Variants in FER observed in about 807,000 individuals in gnomAD.
FER encodes the protein tyrosine-protein kinase Fer.
FER carries 63 observed loss-of-function variants against 111.0 expected under a neutral mutation model. The observed-to-expected ratio is 0.57, with a 90% CI of 0.46 to 0.70. FER has a LOEUF of 0.70. FER is among the 30% of genes least tolerant of loss of function. The pLI is 0.00. For synonymous variants in FER, 327 were observed against 313.9 expected, an observed-to-expected ratio of 1.04 and a Z score of -0.44; for missense variants, 914 against 954.0, an observed-to-expected ratio of 0.96 and a Z score of 0.55.
At chr5:108,756,095 G>A (rs184747245) in intron 1 of FER, among the ~76,000 whole-genome samples, 62 of 149,822 alleles carry the variant, frequency 4.1e-4, no homozygotes, top group Admixed American at 1.2e-3. Context: ...TGGAGGTTGC[G>A]GTGAGCCGAG....
At chr5:108,959,937 A>T (rs1267937472) in intron 13 of FER, among the ~76,000 whole-genome samples, 2 of 152,084 alleles carry the variant, frequency 1.3e-5, no homozygotes, top group African/African-American at 2.4e-5. Context: ...AAGTATGGGT[A>T]TGTGGAAGTT....
chr5:109,039,263 T>A (rs186382709), intron 14 of FER, among the ~76,000 whole-genome samples: 15 of 151,904 alleles, frequency 9.9e-5, no homozygotes, highest in South Asian at 2.1e-4. Context: ...GTACTTGATA[T>A]ACAGTATCAG....
intron 13 of FER, among the ~76,000 whole-genome samples, chr5:108,975,190 G>T (rs951974474): frequency 6.6e-6 from 1 of 152,088 alleles, no homozygotes; most frequent in Non-Finnish European, 1.5e-5. Flanking sequence ...CTCATAAGTG[G>T]GAGTTGAACA....
intron 9 of FER, among the ~76,000 whole-genome samples, chr5:108,890,624 T>C (rs999167321): frequency 6.6e-5 from 10 of 152,098 alleles, no homozygotes; most frequent in African/African-American, 2.4e-4. Flanking sequence ...TTTCCATTAA[T>C]GGCCTATCCT....
chr5:108,898,045 G>A (rs1749408600), intron 10 of FER, among the ~76,000 whole-genome samples, 197 bp downstream of exon 10: 2 of 152,282 alleles, frequency 1.3e-5, no homozygotes, highest in South Asian at 4.2e-4. Context: ...GGAACCACCT[G>A]TAGAGTCAGA....
chr5:108,910,802 G>C (rs143926660), intron 10 of FER, among the ~76,000 whole-genome samples: 92 of 151,860 alleles, frequency 6.1e-4, no homozygotes, highest in African/African-American at 1.9e-3. Context: ...CCATCTAGTT[G>C]CTGCAAAGGA....
At chr5:109,137,390 T>C (rs918314748) in intron 17 of FER, among the ~76,000 whole-genome samples, 4 of 152,210 alleles carry the variant, frequency 2.6e-5, no homozygotes, top group African/African-American at 9.6e-5. Flanking sequence ...GCCATGTTTG[T>C]TCCTAACCAG....
At chr5:108,999,607 A>G (rs1764450301) in intron 13 of FER, among the ~76,000 whole-genome samples, 1 of 152,128 alleles carries the variant, frequency 6.6e-6, no homozygotes, top group South Asian at 2.1e-4. Flanking sequence ...TAATTTTATT[A>G]GATGTTGCTA....
intron 5 of FER, among the ~76,000 whole-genome samples, chr5:108,866,591 A>C (rs1173036721): frequency 6.6e-6 from 1 of 152,154 alleles, no homozygotes; most frequent in Non-Finnish European, 1.5e-5. Context: ...ATTAAAAAAA[A>C]AAAGAATCAG....
chr5:109,112,135 CTGTT>C (rs759733569), intron 17 of FER, among the ~76,000 whole-genome samples: 17 of 151,948 alleles, frequency 1.1e-4, no homozygotes, highest in East Asian at 1.9e-4. Context: ...CTCACAGTCA[CTGTT>C]TGTTTGTTTT....
chr5:108,918,701 A>G lies in FER; in HGVS notation c.1236+20853A>G, dbSNP rs1581196393. Among the ~76,000 whole-genome samples, 5 of 151,972 alleles carry G rather than the reference A, an allele frequency of 3.3e-5. 1 individual carries two copies. The highest frequency in any genetic ancestry group is 2.6e-4 in the Admixed American group (4 of 15,262). Reference sequence around the variant, plus strand: ...ACGGGGTTTCACTGTGTTAGCCAGGATGGTCTCGATCTCCTGACCTCATGA... The same window carrying G: ...ACGGGGTTTCACTGTGTTAGCCAGGGTGGTCTCGATCTCCTGACCTCATGA... On this transcript the variant is annotated intron_variant, in intron 10 of 19. Coordinates refer to ENST00000281092, the MANE Select transcript of FER (RefSeq NM_005246.4).
At chr5:108,781,721 A>T (rs569899084) in intron 2 of FER, among the ~76,000 whole-genome samples, 1 of 152,160 alleles carries the variant, frequency 6.6e-6, no homozygotes, top group Non-Finnish European at 1.5e-5. Flanking sequence ...CCCGTCTCCC[A>T]AGGTAAGACA....
Position 109,188,792 on chromosome 5 carries a change from C to T in FER, c.*1217C>T, listed in dbSNP as rs1458505006. ...ATCCACAGAAATAACAGCATACTTT[C>T]AGTTAAGCATTTTCACCTTAGAGGG... On this transcript the variant is annotated 3_prime_UTR_variant, in exon 20 of 20. Transcript: ENST00000281092. 6.6e-6 allele frequency: 1 copy of T among 152,130 alleles called. No homozygotes were observed. Among genetic ancestry groups the T allele is most frequent in the Non-Finnish European group, 1.5e-5 (1 of 68,034 alleles). The allele number at this position is 152,130 out of a possible 1,614,324, so 9.4% of individuals were successfully genotyped here.
intron 10 of FER, among the ~76,000 whole-genome samples, chr5:108,935,616 T>C (rs1030798686): frequency 7.2e-5 from 11 of 152,146 alleles, no homozygotes; most frequent in Non-Finnish European, 1.6e-4. Flanking sequence ...ATCAAGAAAG[T>C]TCTCAAAAAT....
intron 16 of FER, among the ~76,000 whole-genome samples, chr5:109,059,970 C>T (rs1280027401): frequency 6.6e-6 from 1 of 152,086 alleles, no homozygotes; most frequent in Non-Finnish European, 1.5e-5. Context: ...TTAGTATATC[C>T]ATACAGTAAA....
chr5:108,850,294 A>G (rs1356530201), intron 5 of FER, among the ~76,000 whole-genome samples: 1 of 151,296 alleles, frequency 6.6e-6, no homozygotes, highest in African/African-American at 2.4e-5. Flanking sequence ...TATGATATCT[A>G]TAATATACTT....
At chr5:109,035,774 C>T (rs867518352) in intron 13 of FER, among the ~76,000 whole-genome samples, 3 of 152,152 alleles carry the variant, frequency 2.0e-5, no homozygotes, top group East Asian at 1.9e-4. Flanking sequence ...TTTTCACCAG[C>T]GATACATAAG....
chr5:108,879,566 A>G (rs1028939294), intron 8 of FER, among the ~76,000 whole-genome samples: 2 of 151,582 alleles, frequency 1.3e-5, no homozygotes, highest in African/African-American at 4.8e-5. Flanking sequence ...TGTCATCTAT[A>G]CATGAACTGT....
intron 9 of FER, among the ~76,000 whole-genome samples, chr5:108,890,693 A>G (rs1747901090): frequency 6.6e-6 from 1 of 152,078 alleles, no homozygotes; most frequent in South Asian, 2.1e-4. Flanking sequence ...AAATAAGGTC[A>G]CATTCTGAGA....
Sources: gnomAD v4.1 joint callset for allele counts (sites outside exome capture counted in the v4.1 genomes callset) on GRCh38, gnomAD v4.1.1 for gene constraint, MANE v1.5 for transcripts, NCBI Gene and HGNC (gene_info 2026-07-23, HGNC 2026-07-21) for gene names.